The following GLIPR1L1 variants were observed in gnomAD, a reference collection of about 807,000 sequenced individuals.
GLIPR1L1 encodes GLIPR1-like protein 1.
In GLIPR1L1, 26 loss-of-function variants were observed where a neutral mutation model predicts 29.9. The observed-to-expected ratio is 0.87, with a 90% confidence interval of 0.64 to 1.21. The LOEUF (loss-of-function observed/expected upper bound fraction) is 1.21, where lower values mean the gene tolerates loss of function less well. Among genes scored for constraint, GLIPR1L1 ranks in the 50% most tolerant of loss-of-function variants. GLIPR1L1 has a pLI of 0.00. For synonymous variants in GLIPR1L1, 77 were observed against 97.5 expected (o/e 0.79, Z 1.24); for missense variants, 305 against 290.3 (o/e 1.05, Z -0.37).
intron 3 of GLIPR1L1, among the ~76,000 whole-genome samples, chr12:75,349,987 C>T (rs2042698727): frequency 6.6e-6 from 1 of 152,206 alleles, no homozygotes; most frequent in Non-Finnish European, 1.5e-5. Flanking sequence ...CTAAGAAGAC[C>T]GGGTCCCGGG....
At chr12:75,357,809 A>G (rs2043250884) in intron 3 of GLIPR1L1, among the ~76,000 whole-genome samples, 1 of 152,004 alleles carries the variant, frequency 6.6e-6, no homozygotes, top group Admixed American at 6.6e-5. Context: ...GCTGAACTGA[A>G]TGAAATTAAA....
chr12:75,370,112 G>C lies in GLIPR1L1; in HGVS notation c.665G>C (p.Arg222Thr), dbSNP rs745613464. The part of the protein sequence containing the change: ...NQNPFLKPTG[R>T]APQQTAFNPF... ...AATCCATTTCTGAAGCCAACGGGGA[G>C]AGCACCTCAGCAGACAGCCTTTAAT... The change falls in exon 6 of 6, where the codon AGA becomes ACA. Residue 222 changes from arginine to threonine, a missense_variant. Transcript: ENST00000378695. 4.4e-6 allele frequency: 7 copies of C among 1,607,288 alleles called. No homozygotes were observed. In the African/African-American group the frequency reaches 9.4e-5, roughly 21 times the overall value.
At chr12:75,337,239 AC>A (rs1285387153) in intron 1 of GLIPR1L1, among the ~76,000 whole-genome samples, 2 of 151,828 alleles carry the variant, frequency 1.3e-5, no homozygotes, top group African/African-American at 2.4e-5. Flanking sequence ...TTTTTAAAAA[AC>A]TAAAGATGAT....
intron 4 of GLIPR1L1, among the ~76,000 whole-genome samples, chr12:75,367,638 T>C (rs1272479191): frequency 1.3e-5 from 2 of 152,142 alleles, no homozygotes; most frequent in African/African-American, 4.8e-5. Flanking sequence ...AAAATTTAAA[T>C]GCTTTTGTAT....
chr12:75,341,427 T>C (rs1425054202), intron 1 of GLIPR1L1, among the ~76,000 whole-genome samples: 1 of 152,100 alleles, frequency 6.6e-6, no homozygotes, highest in African/African-American at 2.4e-5. Context: ...AGGATTCTAT[T>C]TATATAACAT....
At chr12:75,362,230 T>C (rs2043643871) in intron 3 of GLIPR1L1, among the ~76,000 whole-genome samples, 1 of 152,114 alleles carries the variant, frequency 6.6e-6, no homozygotes, top group African/African-American at 2.4e-5. Context: ...ACAAAGAAGA[T>C]ATGTAGGTAA....
Position 75,354,465 on chromosome 12 carries a change from C to T in GLIPR1L1, c.521+6743C>T, listed in dbSNP as rs2043019497. Among the ~76,000 whole-genome samples the T allele has an allele frequency of 2.0e-5, 3 of 152,070 alleles. No individual in the cohort carries two copies. In the South Asian group the frequency reaches 6.2e-4, roughly 32 times the overall value. On this transcript the variant is annotated intron_variant, in intron 3 of 5. Coordinates refer to ENST00000378695, the MANE Select transcript of GLIPR1L1 (RefSeq NM_001304964.2). ...CTTCAAGGAGAACTACAAACCACTG[C>T]TCAAGGAAATCAGAGAAGGCACAAA...
intron 1 of GLIPR1L1, among the ~76,000 whole-genome samples, chr12:75,335,740 A>G (rs552575580): frequency 9.9e-5 from 15 of 152,230 alleles, no homozygotes; most frequent in Admixed American, 6.5e-4. Context: ...TGTATCAGAA[A>G]TGAAACAAGA....
chr12:75,369,403 T>A (rs2044208146), intron 4 of GLIPR1L1: 2 of 484,134 alleles, frequency 4.1e-6, no homozygotes, highest in Non-Finnish European at 5.4e-6. Context: ...TGGTAACCAT[T>A]ATATCCAAAG....
chr12:75,367,418 G>T (rs1354220566), intron 4 of GLIPR1L1, among the ~76,000 whole-genome samples: 1 of 151,190 alleles, frequency 6.6e-6, no homozygotes, highest in Non-Finnish European at 1.5e-5. Context: ...TTATTTTACT[G>T]TTTAAACTTT....
intron 3 of GLIPR1L1, among the ~76,000 whole-genome samples, chr12:75,347,938 G>A (rs2042564211): frequency 6.6e-6 from 1 of 151,968 alleles, no homozygotes; most frequent in Non-Finnish European, 1.5e-5. Flanking sequence ...TTAAACTTGA[G>A]AGAGAAAATG....
At chr12:75,353,722 C>A (rs1363772380) in intron 3 of GLIPR1L1, among the ~76,000 whole-genome samples, 1 of 152,166 alleles carries the variant, frequency 6.6e-6, no homozygotes, top group Non-Finnish European at 1.5e-5. Flanking sequence ...CCCTGATGAA[C>A]ATCAATGCAA....
At chr12:75,364,715 G>A (rs1050827502) in intron 4 of GLIPR1L1, 1 of 152,284 alleles carries the variant, frequency 6.6e-6, no homozygotes, top group East Asian at 1.9e-4. Context: ...CAGAACATAA[G>A]CATTATTAAA....
chr12:75,368,423 C>A (rs992036656), intron 4 of GLIPR1L1, among the ~76,000 whole-genome samples: 1 of 150,392 alleles, frequency 6.6e-6, no homozygotes, highest in Non-Finnish European at 1.5e-5. Context: ...CTTAATGTTG[C>A]AAACTGTATC....
chr12:75,341,411 T>C (rs1325285255), intron 1 of GLIPR1L1, among the ~76,000 whole-genome samples: 1 of 152,184 alleles, frequency 6.6e-6, no homozygotes, highest in Non-Finnish European at 1.5e-5. Context: ...AATGGATACA[T>C]AGAGTAGGAT....
At chr12:75,341,662 G>A (rs2139318086) in intron 1 of GLIPR1L1, among the ~76,000 whole-genome samples, 1 of 151,880 alleles carries the variant, frequency 6.6e-6, no homozygotes, top group South Asian at 2.1e-4. Flanking sequence ...TAGCCAGGAC[G>A]GTCACGATCT....
At chr12:75,342,965 T>A (rs904446756) in intron 1 of GLIPR1L1, among the ~76,000 whole-genome samples, 24 of 151,804 alleles carry the variant, frequency 1.6e-4, no homozygotes, top group Admixed American at 1.6e-3. Context: ...TATAATAGAT[T>A]TTGCATATTT....
chr12:75,339,871 C>A (rs1280478217), intron 1 of GLIPR1L1, among the ~76,000 whole-genome samples: 1 of 152,038 alleles, frequency 6.6e-6, no homozygotes, highest in Non-Finnish European at 1.5e-5. Flanking sequence ...GTGCACCCAT[C>A]GCCCAAGCAG....
intron 3 of GLIPR1L1, among the ~76,000 whole-genome samples, chr12:75,354,768 G>T (rs896767384): frequency 2.6e-5 from 4 of 152,132 alleles, no homozygotes; most frequent in African/African-American, 9.7e-5. Context: ...CATGGTACTG[G>T]TACAAAAACA....
Sources: allele counts gnomAD v4.1 joint callset (sites outside exome capture counted in the v4.1 genomes callset), GRCh38; gene constraint gnomAD v4.1.1; transcripts MANE v1.5; gene names NCBI Gene and HGNC (gene_info 2026-07-23, HGNC 2026-07-21).